SLC1A1: variants seen among roughly 807,000 people sequenced by gnomAD.
SLC1A1 encodes solute carrier family 1 member 1, also known as excitatory amino acid transporter 3.
A neutral mutation model predicts 53.3 loss-of-function variants in SLC1A1; 43 were observed. That is an observed-to-expected ratio of 0.81 (90% CI 0.63 to 1.04). SLC1A1 has a LOEUF of 1.04. Among genes scored for constraint, SLC1A1 ranks in the 50% least tolerant of loss-of-function variants. SLC1A1 has a pLI of 0.00. For synonymous variants in SLC1A1, 307 were observed against 243.2 expected, an observed-to-expected ratio of 1.26 and a Z score of -2.44; for missense variants, 748 against 664.9, an observed-to-expected ratio of 1.12 and a Z score of -1.37.
chr9:4,499,615 A>G (rs1031560939), intron 1 of SLC1A1, among the ~76,000 whole-genome samples: 1 of 152,240 alleles, frequency 6.6e-6, no homozygotes, highest in Admixed American at 6.5e-5. Context: ...ACAAAATTAT[A>G]AAATGAATCT....
chr9:4,494,997 G>A (rs764497603), intron 1 of SLC1A1, among the ~76,000 whole-genome samples: 1 of 152,140 alleles, frequency 6.6e-6, no homozygotes, highest in Non-Finnish European at 1.5e-5. Context: ...TGTTTTCTTT[G>A]GAGCGCTAAG....
At chr9:4,527,052 C>T (rs577986642) in intron 1 of SLC1A1, among the ~76,000 whole-genome samples, 76 of 152,256 alleles carry the variant, frequency 5.0e-4, no homozygotes, top group African/African-American at 1.8e-3. Context: ...GAGACTGGGC[C>T]CATCCTGCTG....
rs371524642 is a variant in SLC1A1 at position 4,576,026 on chromosome 9, C to A, written c.901C>A (p.Leu301Ile). 6.2e-7 allele frequency: 1 copy of A among 1,613,928 alleles called. No individual in the cohort carries two copies. Among genetic ancestry groups the A allele is most frequent in the Non-Finnish European group, 8.5e-7 (1 of 1,179,886 alleles). Residue 301 changes from leucine (L) to isoleucine (I), a missense_variant, in exon 9 of 12, where the codon CTC becomes ATC. Transcript: ENST00000262352. ...TGLAIHSIVILPLIYFIVVRK... is the reference protein window; with the variant it reads ...TGLAIHSIVIIPLIYFIVVRK... ...GCTTGCAATCCACTCCATTGTAATT[C>A]TCCCGCTGATATATTTCATAGTCGT...
chr9:4,569,117 G>C (rs767639340), intron 6 of SLC1A1, among the ~76,000 whole-genome samples: 4 of 152,070 alleles, frequency 2.6e-5, no homozygotes, highest in Non-Finnish European at 5.9e-5. Flanking sequence ...CTCTGGGTCT[G>C]CTTACAGTAG....
intron 1 of SLC1A1, among the ~76,000 whole-genome samples, chr9:4,527,954 C>T (rs540738103): frequency 1.3e-3 from 196 of 152,174 alleles, no homozygotes; most frequent in African/African-American, 4.2e-3. Context: ...AAACTAAGAA[C>T]GAAAGAATAC....
intron 1 of SLC1A1, among the ~76,000 whole-genome samples, chr9:4,510,387 C>G (rs755844191): frequency 2.0e-5 from 3 of 152,160 alleles, no homozygotes; most frequent in Non-Finnish European, 2.9e-5. Context: ...TTCTCTGTCT[C>G]CCCACTATAA....
intron 3 of SLC1A1, among the ~76,000 whole-genome samples, chr9:4,562,083 T>C (rs1276210472): frequency 6.7e-6 from 1 of 148,576 alleles, no homozygotes; most frequent in Non-Finnish European, 1.5e-5. Flanking sequence ...TTTTTTTTTT[T>C]TTTTCAAGAG....
intron 1 of SLC1A1, among the ~76,000 whole-genome samples, chr9:4,497,244 C>A (rs1457438221): frequency 6.6e-6 from 1 of 152,118 alleles, no homozygotes; most frequent in African/African-American, 2.4e-5. Context: ...TTTCAGGAAA[C>A]AGAGGCACAG....
In SLC1A1 at chr9:4,585,722, C is replaced by CTGGGTTT; in HGVS notation, c.*169_*175dup. On this transcript the variant is annotated 3_prime_UTR_variant, in exon 12 of 12. Coordinates refer to ENST00000262352, the MANE Select transcript of SLC1A1 (RefSeq NM_004170.6). ...TATTTGGATTCACAGCCTTTGCGCT[C>CTGGGTTT]TGGGTTTTGGGATTTGGGTGTGGGG... 1 of 897,650 alleles carries CTGGGTTT rather than the reference C, an allele frequency of 1.1e-6. No individual in the cohort carries two copies. The highest frequency in any genetic ancestry group is 1.7e-6 in the Non-Finnish European group (1 of 589,814). The allele number at this position is 897,650 out of a possible 1,614,324, so 55.6% of individuals were successfully genotyped here. A position where few individuals can be genotyped will look rare whatever the true frequency, so the allele number is the denominator to read the frequency against.
At chr9:4,534,098 C>G (rs948653215) in intron 1 of SLC1A1, among the ~76,000 whole-genome samples, 42 of 152,036 alleles carry the variant, frequency 2.8e-4, no homozygotes, top group African/African-American at 6.5e-4. Flanking sequence ...ATGCCCACAA[C>G]AGAAAGCAGG....
chr9:4,533,339 A>C (rs200474650), intron 1 of SLC1A1, among the ~76,000 whole-genome samples: 6 of 131,680 alleles, frequency 4.6e-5, no homozygotes, highest in East Asian at 2.2e-4. Flanking sequence ...CAGAGACACA[A>C]ATAGGCTCAA....
At chr9:4,515,470 T>C (rs10974587) in intron 1 of SLC1A1, among the ~76,000 whole-genome samples, 33,842 of 152,014 alleles carry the variant, frequency 0.22, 4,330 homozygotes, top group South Asian at 0.38. Context: ...CAGCAGGTAA[T>C]TGTATATTGA....
intron 1 of SLC1A1, among the ~76,000 whole-genome samples, chr9:4,521,078 G>C (rs1208455380): frequency 6.6e-6 from 1 of 152,068 alleles, no homozygotes; most frequent in Non-Finnish European, 1.5e-5. Context: ...CTTCATTGGA[G>C]AAATGTCTAT....
At chr9:4,524,617 G>C (rs1263050730) in intron 1 of SLC1A1, among the ~76,000 whole-genome samples, 1 of 152,200 alleles carries the variant, frequency 6.6e-6, no homozygotes, top group African/African-American at 2.4e-5. Context: ...GGAAGTTCAA[G>C]GGCATGGCCC....
chr9:4,544,261 A>T (rs193301251), intron 1 of SLC1A1, among the ~76,000 whole-genome samples: 1 of 152,336 alleles, frequency 6.6e-6, no homozygotes, highest in East Asian at 1.9e-4. Context: ...GGATTGACTA[A>T]GATGATTTTT....
chr9:4,522,333 G>A (rs1048286462), intron 1 of SLC1A1, among the ~76,000 whole-genome samples: 1 of 152,026 alleles, frequency 6.6e-6, no homozygotes, highest in African/African-American at 2.4e-5. Context: ...TTACAGGTGT[G>A]AGCCACCACG....
At chr9:4,537,593 T>TA (rs1476723134) in intron 1 of SLC1A1, among the ~76,000 whole-genome samples, 2 of 24,024 alleles carry the variant, frequency 8.3e-5, no homozygotes, top group African/African-American at 3.0e-4. Context: ...TAAAATAAAA[T>TA]AAAATAAAAA....
chr9:4,515,716 G>A (rs1265417790), intron 1 of SLC1A1, among the ~76,000 whole-genome samples: 1 of 152,138 alleles, frequency 6.6e-6, no homozygotes, highest in East Asian at 1.9e-4. Flanking sequence ...GACTTCTCTG[G>A]GATTCAGTAT....
intron 6 of SLC1A1, among the ~76,000 whole-genome samples, chr9:4,568,770 G>A (rs1819742337): frequency 6.6e-6 from 1 of 151,662 alleles, no homozygotes; most frequent in African/African-American, 2.4e-5. Flanking sequence ...AGCACAAGAA[G>A]ACTGTGATGT....
Sources: gnomAD v4.1 joint callset for allele counts (sites outside exome capture counted in the v4.1 genomes callset) on GRCh38, gnomAD v4.1.1 for gene constraint, MANE v1.5 for transcripts, NCBI Gene and HGNC (gene_info 2026-07-23, HGNC 2026-07-21) for gene names.